Variants in ITSN1 observed in about 807,000 individuals in gnomAD.
The protein encoded by ITSN1 is intersectin 1.
Under a neutral mutation model 239.8 loss-of-function variants are expected in ITSN1, and 58 were observed. The observed-to-expected ratio is 0.24, with a 90% CI of 0.20 to 0.30. ITSN1 has a LOEUF of 0.30. ITSN1 is among the 10% of genes least tolerant of loss of function. The pLI is 1.00. For missense variants in ITSN1, 1,558 were observed against 2,103.3 expected, an observed-to-expected ratio of 0.74 and a Z score of 5.07; for synonymous variants, 780 against 770.8, an observed-to-expected ratio of 1.01 and a Z score of -0.20.
At chr21:33,759,094 C>T (rs2068112797) in intron 8 of ITSN1, among the ~76,000 whole-genome samples, 1 of 152,192 alleles carries the variant, frequency 6.6e-6, no homozygotes, top group Non-Finnish European at 1.5e-5. Context: ...AAGAATAGCA[C>T]AATAAATATT....
intron 1 of ITSN1, among the ~76,000 whole-genome samples, chr21:33,714,136 C>CAT (rs1266081216): frequency 6.6e-6 from 1 of 152,206 alleles, no homozygotes; most frequent in Non-Finnish European, 1.5e-5. Flanking sequence ...GGCCCAGCCT[C>CAT]ATCTTTAAGC....
chr21:33,858,582 G>T (rs1416887670), intron 30 of ITSN1, 104 bp from the exon 31 acceptor site: 3 of 693,788 alleles, frequency 4.3e-6, no homozygotes, highest in Non-Finnish European at 7.5e-6. Flanking sequence ...CTCAGCCAAG[G>T]TACAGACACC....
intron 24 of ITSN1, among the ~76,000 whole-genome samples, chr21:33,819,721 G>A (rs139340327): frequency 0.023 from 3,439 of 152,200 alleles, 58 homozygotes; most frequent in Non-Finnish European, 0.037. Context: ...GGTGGCTCAC[G>A]CCTGTAATCC....
At chr21:33,784,551 A>G (rs756042156) in intron 16 of ITSN1, among the ~76,000 whole-genome samples, 1 of 152,200 alleles carries the variant, frequency 6.6e-6, no homozygotes, top group Non-Finnish European at 1.5e-5. Context: ...CAGTATAACT[A>G]TATTGTTTTG....
intron 1 of ITSN1, among the ~76,000 whole-genome samples, chr21:33,711,589 T>C (rs1382410762): frequency 6.6e-6 from 1 of 152,108 alleles, no homozygotes; most frequent in East Asian, 1.9e-4. Context: ...TTGACATCTT[T>C]GGATTTTTAA....
chr21:33,815,141 G>A (rs904076889), intron 22 of ITSN1, among the ~76,000 whole-genome samples: 4 of 152,198 alleles, frequency 2.6e-5, no homozygotes, highest in African/African-American at 9.7e-5. Context: ...GGATGGAAGA[G>A]AGCACGAGAC....
intron 32 of ITSN1, 48 bp from the exon 33 acceptor site, chr21:33,867,185 T>A: frequency 2.7e-6 from 3 of 1,095,582 alleles, no homozygotes; most frequent in Non-Finnish European, 2.8e-6. Context: ...GTCACTAACT[T>A]TGGATTTTGC....
At position 33,762,381 on chromosome 21, in the gene ITSN1, C is replaced by T. The variant is rs541085135; in HGVS notation, c.788+395C>T. The stretch of plus-strand genomic sequence containing the variant: ...TCCCGGGTTCAAGCGATTCTCCTGC[C>T]TCAGCCTCCTGAGTAGCTGGGATTA... On this transcript the variant is annotated intron_variant, in intron 9 of 39. Coordinates refer to ENST00000381318, the MANE Select transcript of ITSN1 (RefSeq NM_003024.3). 5.9e-5 allele frequency among the ~76,000 whole-genome samples: 9 copies of T among 152,068 alleles called. No individual in the cohort carries two copies. The East Asian group carries it at 1.7e-3, about 29-fold the overall frequency.
intron 11 of ITSN1, among the ~76,000 whole-genome samples, chr21:33,768,237 T>C (rs1408199077): frequency 6.6e-6 from 1 of 152,210 alleles, no homozygotes; most frequent in Non-Finnish European, 1.5e-5. Flanking sequence ...GGAAACTCCT[T>C]AATTGCAGGA....
chr21:33,848,283 A>C (rs950963163), intron 29 of ITSN1, among the ~76,000 whole-genome samples: 1 of 152,218 alleles, frequency 6.6e-6, no homozygotes, highest in Non-Finnish European at 1.5e-5. Flanking sequence ...GCTCTTAATA[A>C]GAGGGGGAAA....
At chr21:33,736,835 A>C (rs1481216834) in intron 5 of ITSN1, among the ~76,000 whole-genome samples, 1 of 152,160 alleles carries the variant, frequency 6.6e-6, no homozygotes, top group Non-Finnish European at 1.5e-5. Context: ...AAATTTAAAA[A>C]TTAACCAGGC....
intron 36 of ITSN1, 107 bp from the exon 37 acceptor site, chr21:33,884,934 A>G: frequency 1.3e-6 from 1 of 774,760 alleles, no homozygotes; most frequent in Non-Finnish European, 2.2e-6. Context: ...CTTTGTTGTT[A>G]AAATCAAATG....
intron 29 of ITSN1, among the ~76,000 whole-genome samples, chr21:33,851,768 C>CT (rs1978335312): frequency 2.9e-5 from 2 of 68,278 alleles, no homozygotes; most frequent in Non-Finnish European, 2.9e-5. Flanking sequence ...CTTTTCTTTT[C>CT]TTTTCTTTCC....
intron 29 of ITSN1, chr21:33,838,387 C>T (rs1003942196): frequency 1.3e-4 from 126 of 984,580 alleles, no homozygotes; most frequent in Middle Eastern, 1.0e-3. Flanking sequence ...AGTATTTTCA[C>T]GGATATGAAT....
At chr21:33,649,608 T>G (rs1024977293) in intron 1 of ITSN1, among the ~76,000 whole-genome samples, 1 of 152,182 alleles carries the variant, frequency 6.6e-6, no homozygotes, top group South Asian at 2.1e-4. Flanking sequence ...TTGTGTGGTA[T>G]GGGGTCTGCT....
intron 22 of ITSN1, 96 bp downstream of exon 22, chr21:33,814,168 C>A: frequency 8.3e-7 from 1 of 1,206,834 alleles, no homozygotes; most frequent in Non-Finnish European, 1.1e-6. Context: ...TGAAGCAAGC[C>A]TTGTTATGTG....
intron 1 of ITSN1, among the ~76,000 whole-genome samples, chr21:33,671,001 A>G (rs992732675): frequency 1.3e-5 from 2 of 152,236 alleles, no homozygotes; most frequent in Non-Finnish European, 2.9e-5. Context: ...ACTTGGAAAA[A>G]GTCTTTTGTG....
chr21:33,644,448 T>TA (rs2087739790), intron 1 of ITSN1, among the ~76,000 whole-genome samples: 1 of 151,928 alleles, frequency 6.6e-6, no homozygotes, highest in Non-Finnish European at 1.5e-5. Context: ...GGTATTTCTT[T>TA]ATCTAGGAAT....
chr21:33,776,618 C>A lies in ITSN1; in HGVS notation c.1596+1510C>A, dbSNP rs188121773. On this transcript the variant is annotated intron_variant, in intron 14 of 39. Coordinates refer to ENST00000381318, the MANE Select transcript of ITSN1 (RefSeq NM_003024.3). ...CTGACAAACTGCAAAGAGTTTGTAC[C>A]ATTTTACATTCTGATCATTTAATTT... 1.4e-4 allele frequency among the ~76,000 whole-genome samples: 21 copies of A among 151,508 alleles called. No individual in the cohort carries two copies. In the East Asian group the frequency reaches 4.1e-3, roughly 29 times the overall value.
Sources: gnomAD v4.1 joint callset for allele counts (sites outside exome capture counted in the v4.1 genomes callset) on GRCh38, gnomAD v4.1.1 for gene constraint, MANE v1.5 for transcripts, NCBI Gene and HGNC (gene_info 2026-07-23, HGNC 2026-07-21) for gene names.